Variants in NME7 observed in about 807,000 individuals in gnomAD.
NME7 encodes the protein nucleoside diphosphate kinase 7.
In NME7, 41 loss-of-function variants were observed where a neutral mutation model predicts 49.1. The ratio of observed to expected loss-of-function variants is 0.83; its 90% CI spans 0.65 to 1.08. The LOEUF is 1.08. NME7 is among the 50% of genes least tolerant of loss of function. NME7 has a pLI of 0.00. For missense variants in NME7, 423 were observed against 463.4 expected (o/e 0.91, Z 0.80); for synonymous variants, 139 against 150.6 (o/e 0.92, Z 0.56).
At chr1:169,146,216 T>C (rs1224468541) in intron 11 of NME7, among the ~76,000 whole-genome samples, 1 of 152,188 alleles carries the variant, frequency 6.6e-6, no homozygotes, top group Non-Finnish European at 1.5e-5. Flanking sequence ...AAAGATCCCA[T>C]ACTACACATT....
chr1:169,317,622 A>G (rs1417436644), intron 3 of NME7, among the ~76,000 whole-genome samples: 1 of 152,158 alleles, frequency 6.6e-6, no homozygotes, highest in African/African-American at 2.4e-5. Context: ...TGGTCCTAGG[A>G]CAATATACAA....
intron 8 of NME7, 101 bp downstream of exon 8, chr1:169,237,522 T>C (rs1647905868): frequency 2.6e-6 from 2 of 763,574 alleles, no homozygotes; most frequent in Non-Finnish European, 4.3e-6. Flanking sequence ...TTATTTTTAA[T>C]GTGGTTCATG....
At chr1:169,360,299 A>G (rs1653608647) in intron 1 of NME7, among the ~76,000 whole-genome samples, 1 of 152,212 alleles carries the variant, frequency 6.6e-6, no homozygotes, top group African/African-American at 2.4e-5. Flanking sequence ...TCAAAGACAA[A>G]AGAAGCTCAG....
chr1:169,141,705 A>C, intron 11 of NME7, among the ~76,000 whole-genome samples: 1 of 152,230 alleles, frequency 6.6e-6, no homozygotes, highest in Admixed American at 6.5e-5. Context: ...CAAGACAAAA[A>C]TAATAGAGTT....
At chr1:169,296,899 A>G (rs1650730212) in intron 6 of NME7, among the ~76,000 whole-genome samples, 1 of 152,002 alleles carries the variant, frequency 6.6e-6, no homozygotes, top group Non-Finnish European at 1.5e-5. Flanking sequence ...CCCAGGTCCA[A>G]GCCATCATCT....
At position 169,306,601 on chromosome 1, in the gene NME7, T is replaced by A. The variant is rs2101916288; in HGVS notation, c.389+3369A>T. On this transcript the variant is annotated intron_variant, in intron 4 of 11. Coordinates refer to ENST00000367811, the MANE Select transcript of NME7 (RefSeq NM_013330.5). Reference sequence around the variant, plus strand: ...AGCAGCAAGATGAATCTAGGATCACTTTCAGATTGACAGTTGCAGAGAGAA... The same window carrying A: ...AGCAGCAAGATGAATCTAGGATCACATTCAGATTGACAGTTGCAGAGAGAA... Among the ~76,000 whole-genome samples the A allele has an allele frequency of 1.3e-5, 2 of 152,324 alleles. 1 individual carries two copies. Among genetic ancestry groups the A allele is most frequent in the Middle Eastern group, 6.8e-3 (2 of 294 alleles).
intron 10 of NME7, among the ~76,000 whole-genome samples, chr1:169,192,087 G>T (rs1257832076): frequency 6.6e-6 from 1 of 152,210 alleles, no homozygotes; most frequent in Non-Finnish European, 1.5e-5. Context: ...TACCAAAAAG[G>T]TGTAAAGAGA....
chr1:169,223,788 G>T (rs2901030), intron 10 of NME7, among the ~76,000 whole-genome samples: 42,915 of 140,802 alleles, frequency 0.3, 6,165 homozygotes, highest in Admixed American at 0.43. Flanking sequence ...TATATATATA[G>T]AGAGAGAGAG....
At chr1:169,147,409 G>A (rs1658788020) in intron 11 of NME7, among the ~76,000 whole-genome samples, 1 of 152,112 alleles carries the variant, frequency 6.6e-6, no homozygotes, top group South Asian at 2.1e-4. Flanking sequence ...ATAAATTCTG[G>A]ACCCAGATTG....
intron 7 of NME7, among the ~76,000 whole-genome samples, chr1:169,276,265 C>A (rs1649721689): frequency 7.5e-6 from 1 of 133,672 alleles, no homozygotes; most frequent in East Asian, 2.0e-4. Context: ...AGGAATGGTA[C>A]CAGTTCCTCC....
chr1:169,352,680 C>T (rs1653222246), intron 1 of NME7, among the ~76,000 whole-genome samples: 1 of 151,992 alleles, frequency 6.6e-6, no homozygotes, highest in South Asian at 2.1e-4. Context: ...AAAGACTCCA[C>T]CAAAAGACTC....
chr1:169,345,543 T>C (rs1227841322), intron 1 of NME7, among the ~76,000 whole-genome samples: 1 of 152,108 alleles, frequency 6.6e-6, no homozygotes, highest in Admixed American at 6.6e-5. Context: ...TTTTTGTTTT[T>C]TGTTTTAAGG....
In NME7 at chr1:169,156,652, G is replaced by A. The variant is rs559550563; in HGVS notation, c.1098+12795C>T. Among the ~76,000 whole-genome samples the A allele has an allele frequency of 3.3e-5, 5 of 152,300 alleles. No homozygotes were observed. The South Asian group carries it at 1.0e-3, about 32-fold the overall frequency. ...AGCTTGTTACTTTTCAGATTCAGAA[G>A]GCAGCCTATCTGAAGAAAGGTGGAG... On this transcript the variant is annotated intron_variant, in intron 11 of 11. Coordinates refer to ENST00000367811, the MANE Select transcript of NME7 (RefSeq NM_013330.5).
intron 1 of NME7, among the ~76,000 whole-genome samples, chr1:169,342,607 G>GTA (rs778561650): frequency 2.1e-4 from 7 of 32,790 alleles, no homozygotes; most frequent in Admixed American, 7.0e-4. Flanking sequence ...CATATATATA[G>GTA]TATATATATA....
intron 7 of NME7, among the ~76,000 whole-genome samples, chr1:169,251,576 A>G: frequency 1.2e-5 from 1 of 86,084 alleles, no homozygotes; most frequent in East Asian, 3.7e-4. Context: ...TTTTTTTATT[A>G]TACTTTAAGT....
At chr1:169,241,868 T>C (rs1037077592) in intron 7 of NME7, among the ~76,000 whole-genome samples, 2 of 151,780 alleles carry the variant, frequency 1.3e-5, no homozygotes, top group African/African-American at 4.8e-5. Flanking sequence ...TGAAATCATA[T>C]GAAGACAGTA....
At chr1:169,356,888 C>T (rs1379491838) in intron 1 of NME7, among the ~76,000 whole-genome samples, 1 of 152,140 alleles carries the variant, frequency 6.6e-6, no homozygotes, top group East Asian at 1.9e-4. Context: ...AAACCTGAAG[C>T]TCAGTGAATG....
chr1:169,218,766 G>T (rs1407954141), intron 10 of NME7, among the ~76,000 whole-genome samples: 1 of 145,774 alleles, frequency 6.9e-6, no homozygotes, highest in South Asian at 2.1e-4. Context: ...AAAATCCTTT[G>T]CAGAGAATAC....
At chr1:169,361,932 C>T (rs1330312226) in intron 1 of NME7, among the ~76,000 whole-genome samples, 1 of 152,104 alleles carries the variant, frequency 6.6e-6, no homozygotes, top group African/African-American at 2.4e-5. Flanking sequence ...CTGTTAAAAA[C>T]AACTTTGACT....
Sources: gnomAD v4.1 joint callset for allele counts (sites outside exome capture counted in the v4.1 genomes callset) on GRCh38, gnomAD v4.1.1 for gene constraint, MANE v1.5 for transcripts, NCBI Gene and HGNC (gene_info 2026-07-23, HGNC 2026-07-21) for gene names.